The following CDH13 variants were observed in gnomAD, a reference collection of about 807,000 sequenced individuals.
CDH13 encodes cadherin-13.
A neutral mutation model predicts 63.8 loss-of-function variants in CDH13; 24 were observed. That is an observed-to-expected ratio of 0.38 (90% CI 0.27 to 0.53). The LOEUF (loss-of-function observed/expected upper bound fraction) is 0.53. Among genes scored for constraint, CDH13 ranks in the 20% least tolerant of loss-of-function variants. CDH13 has a pLI of 0.85. For missense variants in CDH13, 1,049 were observed against 903.1 expected (o/e 1.16, Z -2.07); for synonymous variants, 503 against 355.3 (o/e 1.42, Z -4.67).
At position 83,405,165 on chromosome 16, in the gene CDH13, T is replaced by A. The variant is rs180820751; in HGVS notation, c.781+60159T>A. On this transcript the variant is annotated intron_variant, in intron 6 of 13. Transcript: ENST00000567109. ...AAAAAAAAATCTTAACAATTCTATG[T>A]GCATTCTTTCAGGAAAAAAGCAAGA... Among the ~76,000 whole-genome samples, 541 of 152,254 alleles carry A rather than the reference T, an allele frequency of 3.6e-3. 7 individuals are homozygous for A. The highest frequency in any genetic ancestry group is 0.012 in the African/African-American group (510 of 41,536).
intron 1 of CDH13, among the ~76,000 whole-genome samples, chr16:82,630,450 G>A (rs1375409649): frequency 2.0e-5 from 3 of 152,098 alleles, no homozygotes; most frequent in Non-Finnish European, 4.4e-5. Context: ...TTAGCTGATC[G>A]CTCCTACTCT....
At chr16:83,416,313 C>T (rs2071547038) in intron 6 of CDH13, among the ~76,000 whole-genome samples, 1 of 152,180 alleles carries the variant, frequency 6.6e-6, no homozygotes, top group Non-Finnish European at 1.5e-5. Flanking sequence ...AAAACATCCA[C>T]ATTACCCAAA....
chr16:83,763,503 C>G (rs564603465), intron 11 of CDH13, among the ~76,000 whole-genome samples: 4 of 152,274 alleles, frequency 2.6e-5, no homozygotes, highest in African/African-American at 7.2e-5. Context: ...GGGCTCTGAA[C>G]TGAACTTCAG....
At chr16:83,775,501 C>G (rs1037685517) in intron 11 of CDH13, among the ~76,000 whole-genome samples, 2 of 152,122 alleles carry the variant, frequency 1.3e-5, no homozygotes, top group African/African-American at 4.8e-5. Context: ...TTCTCTGATC[C>G]TTAAAATGGC....
chr16:83,233,219 C>A (rs1364774949), intron 5 of CDH13, among the ~76,000 whole-genome samples: 2 of 152,158 alleles, frequency 1.3e-5, no homozygotes, highest in Non-Finnish European at 1.5e-5. Flanking sequence ...CCCTTAGGAC[C>A]ATTTCACAGG....
intron 1 of CDH13, among the ~76,000 whole-genome samples, chr16:82,789,386 C>G (rs1316223517): frequency 6.6e-6 from 1 of 152,194 alleles, no homozygotes; most frequent in Non-Finnish European, 1.5e-5. Context: ...CTCTTTATAT[C>G]TCACCTTTGA....
At chr16:83,056,372 A>G (rs1467643491) in intron 3 of CDH13, among the ~76,000 whole-genome samples, 1 of 152,186 alleles carries the variant, frequency 6.6e-6, no homozygotes, top group Non-Finnish European at 1.5e-5. Context: ...ACACTTTGTA[A>G]TAGCTAAAAA....
At chr16:83,468,010 C>T (rs911552383) in intron 6 of CDH13, among the ~76,000 whole-genome samples, 1 of 152,180 alleles carries the variant, frequency 6.6e-6, no homozygotes, top group African/African-American at 2.4e-5. Context: ...GCAGTCAGCA[C>T]AGTTCACAGG....
At chr16:83,357,741 C>G (rs972392466) in intron 6 of CDH13, among the ~76,000 whole-genome samples, 1 of 152,132 alleles carries the variant, frequency 6.6e-6, no homozygotes, top group African/African-American at 2.4e-5. Context: ...ATGTTTCTCC[C>G]TAAATGGAGA....
intron 13 of CDH13, among the ~76,000 whole-genome samples, chr16:83,793,965 A>C (rs1387679846): frequency 6.6e-6 from 1 of 152,136 alleles, no homozygotes. Context: ...CCATGTGATG[A>C]CAGAAACAGA....
chr16:82,983,142 A>G (rs1392217824), intron 2 of CDH13, among the ~76,000 whole-genome samples: 1 of 152,166 alleles, frequency 6.6e-6, no homozygotes, highest in African/African-American at 2.4e-5. Flanking sequence ...GTTTCTGGGA[A>G]TCTTCAAACT....
At chr16:82,945,680 G>C (rs530615335) in intron 2 of CDH13, among the ~76,000 whole-genome samples, 22 of 152,152 alleles carry the variant, frequency 1.4e-4, no homozygotes, top group African/African-American at 5.1e-4. Context: ...TCTATACTAA[G>C]TCCCATCTGC....
At chr16:82,943,184 T>C (rs1370923805) in intron 2 of CDH13, among the ~76,000 whole-genome samples, 1 of 152,212 alleles carries the variant, frequency 6.6e-6, no homozygotes, top group Non-Finnish European at 1.5e-5. Context: ...GAGCTTCCAT[T>C]CTTCCATTCT....
chr16:83,235,004 C>T (rs1230596611), intron 5 of CDH13, among the ~76,000 whole-genome samples: 3 of 152,108 alleles, frequency 2.0e-5, no homozygotes, highest in Admixed American at 6.5e-5. Context: ...CAATACCAGC[C>T]TGGGCAACAT....
intron 6 of CDH13, among the ~76,000 whole-genome samples, chr16:83,404,648 G>A (rs2092015308): frequency 1.3e-5 from 2 of 152,152 alleles, no homozygotes; most frequent in African/African-American, 4.8e-5. Flanking sequence ...ATATTTCAAA[G>A]GAATATATAG....
intron 7 of CDH13, among the ~76,000 whole-genome samples, chr16:83,498,281 G>C (rs4782802): frequency 1 from 152,179 of 152,284 alleles, 76,037 homozygotes; most frequent in Middle Eastern, 1. Flanking sequence ...CCAGCATGGA[G>C]TGAAATAAGG....
Position 83,488,606 on chromosome 16 carries a change from AT to A in CDH13, c.960+1958del, listed in dbSNP as rs909246739. Among the ~76,000 whole-genome samples the A allele has an allele frequency of 1.3e-3, 193 of 151,674 alleles. 1 individual carries two copies. The highest frequency in any genetic ancestry group is 4.3e-3 in the African/African-American group (179 of 41,364). ...TCCCATTCTCTTTCCAACCCTCCCT[AT>A]TTTTTTATTTTTTTATTTTTTTTAT... On this transcript the variant is annotated intron_variant, in intron 7 of 13. Coordinates refer to ENST00000567109, the MANE Select transcript of CDH13 (RefSeq NM_001257.5).
At chr16:83,170,870 G>C (rs2037884651) in intron 4 of CDH13, among the ~76,000 whole-genome samples, 1 of 151,948 alleles carries the variant, frequency 6.6e-6, no homozygotes, top group Non-Finnish European at 1.5e-5. Context: ...TCCAAAAATA[G>C]AGAGAAGAGA....
At chr16:83,082,556 G>T (rs1344341744) in intron 3 of CDH13, among the ~76,000 whole-genome samples, 2 of 152,138 alleles carry the variant, frequency 1.3e-5, no homozygotes, top group African/African-American at 4.8e-5. Context: ...TAGGAGGATT[G>T]ACTGAACCCG....
Sources: gnomAD v4.1 joint callset for allele counts (sites outside exome capture counted in the v4.1 genomes callset) on GRCh38, gnomAD v4.1.1 for gene constraint, MANE v1.5 for transcripts, NCBI Gene and HGNC (gene_info 2026-07-23, HGNC 2026-07-21) for gene names.